The following TENT2 variants were observed in gnomAD, a reference collection of about 807,000 sequenced individuals.
The protein encoded by TENT2 is terminal nucleotidyltransferase 2.
Under a neutral mutation model 72.2 loss-of-function variants are expected in TENT2, and 44 were observed. That is an observed-to-expected ratio of 0.61 (90% confidence interval 0.48 to 0.78). The LOEUF (loss-of-function observed/expected upper bound fraction) is 0.78. Ranked by LOEUF, TENT2 falls within the 30% of genes least tolerant of loss-of-function variation. The pLI, the probability that TENT2 is intolerant of heterozygous loss-of-function variation, is 0.00. For missense variants in TENT2, 541 were observed against 569.6 expected (o/e 0.95, Z 0.51); for synonymous variants, 212 against 192.5 (o/e 1.10, Z -0.84).
rs531569072 is a variant in TENT2, at chr5:79,666,204, G to C, written c.1072-2688G>C. Reference sequence around the variant, plus strand: ...GGGTTTCACCGTGTTGGCCAGGCTGGTCTCGAACTCCTGACCTCGAGGGAA... The same window carrying C: ...GGGTTTCACCGTGTTGGCCAGGCTGCTCTCGAACTCCTGACCTCGAGGGAA... On this transcript the variant is annotated intron_variant, in intron 11 of 14. Coordinates refer to ENST00000453514, the MANE Select transcript of TENT2 (RefSeq NM_001114394.3). Among the ~76,000 whole-genome samples, 5 of 150,936 alleles carry C rather than the reference G, an allele frequency of 3.3e-5. No homozygotes were observed. The South Asian group carries it at 8.4e-4, about 25-fold the overall frequency.
intron 4 of TENT2, among the ~76,000 whole-genome samples, chr5:79,630,238 A>G (rs1235366354): frequency 6.6e-6 from 1 of 152,190 alleles, no homozygotes; most frequent in Non-Finnish European, 1.5e-5. Context: ...TCTCAGGGAA[A>G]GCCTCTTAGA....
intron 1 of TENT2, among the ~76,000 whole-genome samples, chr5:79,615,501 A>G (rs1205958695): frequency 1.3e-5 from 2 of 152,194 alleles, no homozygotes; most frequent in Admixed American, 1.3e-4. Flanking sequence ...CTATTCCAAC[A>G]AAATGAACTA....
intron 8 of TENT2, 133 bp downstream of exon 8, chr5:79,645,325 TTGG>T (rs1787938132): frequency 1.4e-6 from 1 of 726,400 alleles, no homozygotes; most frequent in African/African-American, 1.9e-5. Flanking sequence ...ATCATTTGAC[TTGG>T]TGTTTGAAAT....
chr5:79,678,157 T>G (rs968604062), intron 12 of TENT2, among the ~76,000 whole-genome samples: 7 of 152,340 alleles, frequency 4.6e-5, no homozygotes, highest in African/African-American at 1.7e-4. Context: ...AACTTAAAAC[T>G]TTCACAAACT....
intron 11 of TENT2, among the ~76,000 whole-genome samples, chr5:79,665,536 A>G (rs1355222871): frequency 6.6e-6 from 1 of 152,186 alleles, no homozygotes; most frequent in Non-Finnish European, 1.5e-5. Flanking sequence ...ATGTTTTCCA[A>G]GGGATTTTCT....
chr5:79,664,594 C>CAAA (rs369492064), intron 11 of TENT2, among the ~76,000 whole-genome samples: 1 of 95,618 alleles, frequency 1.0e-5, no homozygotes, highest in Non-Finnish European at 2.4e-5. Context: ...CACTCTGTCT[C>CAAA]AAAAAAAAAA....
chr5:79,643,020 A>G, intron 7 of TENT2, 110 bp downstream of exon 7: 2 of 1,283,440 alleles, frequency 1.6e-6, no homozygotes, highest in Non-Finnish European at 2.0e-6. Context: ...GATCAGTATA[A>G]TATGAATTCT....
At chr5:79,659,672 C>T (rs1268810060) in intron 11 of TENT2, among the ~76,000 whole-genome samples, 1 of 137,352 alleles carries the variant, frequency 7.3e-6, no homozygotes. Flanking sequence ...AAATCCTGAA[C>T]AAATAAACTT....
intron 4 of TENT2, among the ~76,000 whole-genome samples, chr5:79,633,997 CAAA>C (rs562252526): frequency 1.5e-3 from 103 of 70,498 alleles, no homozygotes; most frequent in South Asian, 6.1e-3. Context: ...ACTAAAAATA[CAAA>C]AAAAAAAAAA....
At chr5:79,617,761 G>A (rs1031250225) in intron 1 of TENT2, among the ~76,000 whole-genome samples, 12 of 152,180 alleles carry the variant, frequency 7.9e-5, no homozygotes, top group African/African-American at 2.9e-4. Flanking sequence ...ATTTCCGTCA[G>A]AGATTTGAAG....
At chr5:79,669,694 C>T (rs1180605199) in intron 12 of TENT2, among the ~76,000 whole-genome samples, 3 of 151,632 alleles carry the variant, frequency 2.0e-5, no homozygotes, top group Non-Finnish European at 2.9e-5. Context: ...GGTACAGTTA[C>T]CATTGGATAC....
intron 11 of TENT2, among the ~76,000 whole-genome samples, chr5:79,665,827 T>A (rs548549967): frequency 6.6e-6 from 1 of 152,222 alleles, no homozygotes; most frequent in South Asian, 2.1e-4. Context: ...TTAAGGCTGC[T>A]TTTTTTCTCT....
chr5:79,638,526 A>G (rs1781980431), intron 4 of TENT2, among the ~76,000 whole-genome samples: 1 of 151,996 alleles, frequency 6.6e-6, no homozygotes, highest in Non-Finnish European at 1.5e-5. Flanking sequence ...GCATTTACCT[A>G]TGAATTGTAG....
chr5:79,681,366 G>T (rs527400180), intron 13 of TENT2, among the ~76,000 whole-genome samples: 39 of 151,502 alleles, frequency 2.6e-4, no homozygotes, highest in African/African-American at 8.7e-4. Context: ...CACCATGTTG[G>T]CCAGGATGGT....
At chr5:79,616,762 G>C (rs1259162843) in intron 1 of TENT2, among the ~76,000 whole-genome samples, 1 of 152,162 alleles carries the variant, frequency 6.6e-6, no homozygotes, top group Non-Finnish European at 1.5e-5. Context: ...AAAGACATAA[G>C]GGTCTGCTAA....
intron 11 of TENT2, among the ~76,000 whole-genome samples, chr5:79,667,946 A>T (rs1165842243): frequency 1.4e-4 from 20 of 146,656 alleles, no homozygotes; most frequent in African/African-American, 4.5e-4. Context: ...TTTTTTTTTT[A>T]ACGAAAAAAA....
At chr5:79,631,208 C>T (rs891212111) in intron 4 of TENT2, among the ~76,000 whole-genome samples, 1 of 152,136 alleles carries the variant, frequency 6.6e-6, no homozygotes, top group East Asian at 1.9e-4. Flanking sequence ...GCCAGTCATC[C>T]TCTGGGGCAA....
intron 4 of TENT2, among the ~76,000 whole-genome samples, chr5:79,639,477 G>GTTTTTTTTTTTT (rs368927693): frequency 6.9e-6 from 1 of 145,210 alleles, no homozygotes; most frequent in African/African-American, 2.5e-5. Context: ...AGTGAAGGTG[G>GTTTTTTTTTTTT]TTTTTTTTTT....
intron 10 of TENT2, among the ~76,000 whole-genome samples, chr5:79,651,768 A>G (rs1376501824): frequency 6.6e-6 from 1 of 151,950 alleles, no homozygotes; most frequent in Non-Finnish European, 1.5e-5. Flanking sequence ...CTTTGTCTGG[A>G]GATAGGGTGC....
Sources: allele counts gnomAD v4.1 joint callset (sites outside exome capture counted in the v4.1 genomes callset), GRCh38; gene constraint gnomAD v4.1.1; transcripts MANE v1.5; gene names NCBI Gene and HGNC (gene_info 2026-07-23, HGNC 2026-07-21).